Variants in ELAVL1 observed in about 807,000 individuals in gnomAD.
The protein encoded by ELAVL1 is ELAV-like protein 1.
A neutral mutation model predicts 28.4 loss-of-function variants in ELAVL1; 1 was observed. The observed-to-expected ratio is 0.04, with a 90% CI of 0.01 to 0.17. The LOEUF (loss-of-function observed/expected upper bound fraction) is 0.17. Ranked by LOEUF, ELAVL1 falls within the 10% of genes least tolerant of loss-of-function variation. The pLI is 1.00. For missense variants in ELAVL1, 157 were observed against 447.2 expected, an observed-to-expected ratio of 0.35 and a Z score of 5.85; for synonymous variants, 174 against 183.5, an observed-to-expected ratio of 0.95 and a Z score of 0.42.
In ELAVL1 at chr19:7,973,807, G is replaced by T; in HGVS notation, c.348C>A (p.Thr116=). The change falls in exon 4 of 6, where the codon ACC becomes ACA. Residue 116 remains threonine (T), a synonymous_variant. Transcript: ENST00000407627. The part of the protein sequence containing the change: ...ANLYISGLPR[T]MTQKDVEDMF... ...TGTCTTCTACGTCCTTCTGGGTCAT[G>T]GTCCGCGGGAGCCCGCTGATGTACA... The T allele has an allele frequency of 6.2e-7, 1 of 1,614,114 alleles. No individual in the cohort carries two copies. The highest frequency in any genetic ancestry group is 8.5e-7 in the Non-Finnish European group (1 of 1,180,012).
intron 1 of ELAVL1, among the ~76,000 whole-genome samples, chr19:7,995,023 G>C (rs1329757368): frequency 6.6e-6 from 1 of 152,168 alleles, no homozygotes; most frequent in African/African-American, 2.4e-5. Flanking sequence ...AAACTGGATA[G>C]AATTCTAAAT....
At chr19:7,986,932 G>A (rs1321229590) in intron 2 of ELAVL1, among the ~76,000 whole-genome samples, 4 of 152,118 alleles carry the variant, frequency 2.6e-5, no homozygotes, top group Non-Finnish European at 2.9e-5. Flanking sequence ...ATGATTGTGG[G>A]TGATTTTTTG....
Position 7,973,516 on chromosome 19 carries a change from C to T in ELAVL1, c.430+209G>A, listed in dbSNP as rs946788352. 6.1e-5 allele frequency: 39 copies of T among 638,678 alleles called. No individual in the cohort carries two copies. In the African/African-American group the frequency reaches 7.2e-4, roughly 12 times the overall value. The allele number at this position is 638,678 out of a possible 1,614,324, so 39.6% of individuals were successfully genotyped here. A position where few individuals can be genotyped will look rare whatever the true frequency, so the allele number is the denominator to read the frequency against. The stretch of plus-strand genomic sequence containing the variant: ...AAGTGCTGGGATTACAGGCGTGAGC[C>T]ACCACGCCCAGATATCCCCAGCTTC... On this transcript the variant is annotated intron_variant, in intron 4 of 5. Transcript: ENST00000407627.
rs1367860109 is a variant in ELAVL1 at position 7,959,778 on chromosome 19, G to A, written c.*3705C>T. The A allele has an allele frequency of 6.6e-6, 1 of 152,116 alleles. No homozygotes were observed. The highest frequency in any genetic ancestry group is 1.5e-5 in the Non-Finnish European group (1 of 68,042). 9.4% of individuals were successfully genotyped at this position (152,116 alleles called of 1,614,324 possible). A position where few individuals can be genotyped will look rare whatever the true frequency, so the allele number is the denominator to read the frequency against. On this transcript the variant is annotated 3_prime_UTR_variant, in exon 6 of 6. Coordinates refer to ENST00000407627, the MANE Select transcript of ELAVL1 (RefSeq NM_001419.3). ...CTTCAGGGCTGTCTTGCGAAGTTTG[G>A]GGACAGGAACCCCTGACCCCCAGAG...
chr19:8,001,072 T>C (rs925900497), intron 1 of ELAVL1, among the ~76,000 whole-genome samples: 1 of 152,210 alleles, frequency 6.6e-6, no homozygotes, highest in African/African-American at 2.4e-5. Context: ...TCGCTCCCCT[T>C]CCCAGAGCTT....
chr19:7,985,265 G>A (rs1985570374), intron 2 of ELAVL1, among the ~76,000 whole-genome samples: 1 of 152,210 alleles, frequency 6.6e-6, no homozygotes, highest in East Asian at 1.9e-4. Flanking sequence ...GTGCATGAGG[G>A]GCATGGGGCT....
In ELAVL1 at chr19:7,961,184, T is replaced by G. The variant is rs572075001; in HGVS notation, c.*2299A>C. The G allele has an allele frequency of 6.6e-6, 1 of 152,258 alleles. No homozygotes were observed. Among genetic ancestry groups the G allele is most frequent in the Non-Finnish European group, 1.5e-5 (1 of 68,046 alleles). 9.4% of individuals were successfully genotyped at this position (152,258 alleles called of 1,614,324 possible). A position where few individuals can be genotyped will look rare whatever the true frequency, so the allele number is the denominator to read the frequency against. On this transcript the variant is annotated 3_prime_UTR_variant, in exon 6 of 6. Transcript: ENST00000407627. ...AAGGGGGCGAGGAAAGAAGCTGAGGTGCTACAAGCCCGTCATCATTTTCAC... is the reference window on the plus strand; with the variant it reads ...AAGGGGGCGAGGAAAGAAGCTGAGGGGCTACAAGCCCGTCATCATTTTCAC...
chr19:7,996,248 C>T (rs1416641085), intron 1 of ELAVL1, among the ~76,000 whole-genome samples: 1 of 149,844 alleles, frequency 6.7e-6, no homozygotes, highest in East Asian at 2.0e-4. Context: ...GTGGCATGAT[C>T]TCCGCTCACT....
At chr19:8,003,275 G>A (rs1204313734) in intron 1 of ELAVL1, among the ~76,000 whole-genome samples, 1 of 138,030 alleles carries the variant, frequency 7.2e-6, no homozygotes, top group Non-Finnish European at 1.5e-5. Context: ...TGTAATCCCA[G>A]CTACTTGGGA....
At position 7,981,724 on chromosome 19, in the gene ELAVL1, T is replaced by C. The variant is rs1234797921; in HGVS notation, c.173-538A>G. ...ACCCCAAAAGTTATTTACAAAGGAG[T>C]ATTTTTTAAAAATACTGTGCTACGG... On this transcript the variant is annotated intron_variant, in intron 2 of 5. Transcript: ENST00000407627. The surrounding 1 kb of genome is among the most constrained non-coding windows in gnomAD (Gnocchi z 4.2). Among the ~76,000 whole-genome samples the C allele has an allele frequency of 6.6e-6, 1 of 152,052 alleles. No homozygotes were observed. The highest frequency in any genetic ancestry group is 1.5e-5 in the Non-Finnish European group (1 of 68,000).
In ELAVL1 at chr19:7,963,276, G is replaced by A. The variant is rs1432642057; in HGVS notation, c.*207C>T. ...ATATATCTTAAAGGAAATAACTTAC[G>A]AAACTTAAGATTGGTCTAACATTGT... On this transcript the variant is annotated 3_prime_UTR_variant, in exon 6 of 6. Coordinates refer to ENST00000407627, the MANE Select transcript of ELAVL1 (RefSeq NM_001419.3). The surrounding 1 kb of genome is among the most constrained non-coding windows in gnomAD (Gnocchi z 4.5). The A allele has an allele frequency of 8.4e-6, 5 of 597,888 alleles. No homozygotes were observed. The highest frequency in any genetic ancestry group is 5.6e-5 in the African/African-American group (3 of 53,784). 37.0% of individuals were successfully genotyped at this position (597,888 alleles called of 1,614,324 possible).
chr19:7,970,379 C>T (rs895897612), intron 4 of ELAVL1, among the ~76,000 whole-genome samples: 1 of 152,124 alleles, frequency 6.6e-6, no homozygotes, highest in Non-Finnish European at 1.5e-5. Flanking sequence ...ATGGTCTCGA[C>T]CTCTCGACCT....
rs556040086 is a variant in ELAVL1, at chr19:7,981,435, G to A, written c.173-249C>T. Among the ~76,000 whole-genome samples the A allele has an allele frequency of 6.7e-6, 1 of 148,542 alleles. No individual in the cohort carries two copies. The highest frequency in any genetic ancestry group is 2.2e-4 in the South Asian group (1 of 4,610). The stretch of plus-strand genomic sequence containing the variant: ...TCCAGCGCTGTGATCACAGCTCACC[G>A]CCACCTCAAATTCTTGGGCTCAAGA... On this transcript the variant is annotated intron_variant, in intron 2 of 5. Coordinates refer to ENST00000407627, the MANE Select transcript of ELAVL1 (RefSeq NM_001419.3). The surrounding 1 kb of genome is among the most constrained non-coding windows in gnomAD (Gnocchi z 4.2).
intron 2 of ELAVL1, among the ~76,000 whole-genome samples, chr19:7,988,267 T>C (rs1056992652): frequency 6.6e-6 from 1 of 151,928 alleles, no homozygotes; most frequent in Admixed American, 6.6e-5. Context: ...ATATACTGAA[T>C]TTAAGGGGCC....
At chr19:7,967,368 CG>C (rs1984983315) in intron 5 of ELAVL1, among the ~76,000 whole-genome samples, 196 bp downstream of exon 5, 1 of 152,188 alleles carries the variant, frequency 6.6e-6, no homozygotes, top group East Asian at 1.9e-4. Flanking sequence ...TGAAAGACAA[CG>C]CCCAATCGGA....
intron 5 of ELAVL1, among the ~76,000 whole-genome samples, chr19:7,965,200 G>A (rs746909357): frequency 2.6e-5 from 4 of 152,164 alleles, no homozygotes; most frequent in African/African-American, 4.8e-5. Flanking sequence ...CCACAGGTGT[G>A]TGCCACCATG....
At chr19:8,001,243 T>G (rs2081066819) in intron 1 of ELAVL1, among the ~76,000 whole-genome samples, 1 of 152,164 alleles carries the variant, frequency 6.6e-6, no homozygotes, top group South Asian at 2.1e-4. Flanking sequence ...CCTCCTGTCC[T>G]TGCCCTCTCT....
chr19:7,976,644 C>T (rs1385704449), intron 3 of ELAVL1, among the ~76,000 whole-genome samples: 2 of 152,150 alleles, frequency 1.3e-5, no homozygotes, highest in East Asian at 1.9e-4. Flanking sequence ...ACCTTGGTCT[C>T]GGGCTTCCAG....
chr19:7,987,956 A>T (rs1487188001), intron 2 of ELAVL1, among the ~76,000 whole-genome samples: 2 of 152,206 alleles, frequency 1.3e-5, no homozygotes, highest in Non-Finnish European at 2.9e-5. Flanking sequence ...TGACAGGGTC[A>T]CATGCGGGCT....
Sources: allele counts gnomAD v4.1 joint callset (sites outside exome capture counted in the v4.1 genomes callset), GRCh38; gene constraint gnomAD v4.1.1; non-coding constraint Gnocchi (gnomAD v3.1); transcripts MANE v1.5; gene names NCBI Gene and HGNC (gene_info 2026-07-23, HGNC 2026-07-21).